GTF2IRD1: variants seen among roughly 807,000 people sequenced by gnomAD.
GTF2IRD1 encodes general transcription factor II-I repeat domain-containing protein 1.
A neutral mutation model predicts 113.2 loss-of-function variants in GTF2IRD1; 26 were observed. The observed-to-expected ratio is 0.23, with a 90% CI of 0.17 to 0.32. GTF2IRD1 has a LOEUF of 0.32. Among genes scored for constraint, GTF2IRD1 ranks in the 10% least tolerant of loss-of-function variants. The pLI is 1.00. For synonymous variants in GTF2IRD1, 484 were observed against 529.1 expected (o/e 0.91, Z 1.17); for missense variants, 864 against 1,280.8 (o/e 0.67, Z 4.97).
At chr7:74,546,296 A>G (rs1335757054) in intron 16 of GTF2IRD1, among the ~76,000 whole-genome samples, 8 of 138,972 alleles carry the variant, frequency 5.8e-5, no homozygotes, top group East Asian at 2.1e-4. Context: ...ATATCAGCTC[A>G]CTGCAACCTG....
At chr7:74,591,213 T>C (rs1173098057) in intron 24 of GTF2IRD1, among the ~76,000 whole-genome samples, 196 bp downstream of exon 24, 1 of 152,016 alleles carries the variant, frequency 6.6e-6, no homozygotes, top group Non-Finnish European at 1.5e-5. Flanking sequence ...AGATATTACA[T>C]TTGTTCTCTG....
chr7:74,534,638 G>A (rs1391688235), intron 9 of GTF2IRD1, among the ~76,000 whole-genome samples: 2 of 151,926 alleles, frequency 1.3e-5, no homozygotes, highest in Non-Finnish European at 2.9e-5. Flanking sequence ...CTGTTTTCAC[G>A]CTGAGAGACC....
intron 22 of GTF2IRD1, among the ~76,000 whole-genome samples, chr7:74,573,178 A>G (rs1355714084): frequency 1.3e-5 from 2 of 152,060 alleles, no homozygotes; most frequent in African/African-American, 4.8e-5. Context: ...AAGTTGAGGC[A>G]GGCGGATTGC....
At chr7:74,547,035 G>A (rs587733925) in intron 16 of GTF2IRD1, 68 bp from the exon 17 acceptor site, 28 of 1,425,554 alleles carry the variant, frequency 2.0e-5, no homozygotes, top group East Asian at 1.2e-4. Flanking sequence ...ACACAGGCAC[G>A]GGACACAGGG....
At chr7:74,462,321 A>G (rs142469445) in intron 1 of GTF2IRD1, among the ~76,000 whole-genome samples, 1 of 152,324 alleles carries the variant, frequency 6.6e-6, no homozygotes, top group East Asian at 1.9e-4. Flanking sequence ...TGTAACCCCT[A>G]AAAGTTTTTG....
chr7:74,473,464 G>A (rs549397555), intron 1 of GTF2IRD1, among the ~76,000 whole-genome samples: 29 of 151,278 alleles, frequency 1.9e-4, no homozygotes, highest in African/African-American at 6.6e-4. Flanking sequence ...TTCCTCTGTC[G>A]CCCAAGCTGG....
intron 15 of GTF2IRD1, 127 bp downstream of exon 15, chr7:74,544,929 G>T: frequency 2.9e-6 from 2 of 691,690 alleles, no homozygotes; most frequent in Non-Finnish European, 5.0e-6. Context: ...CAGCACCCTG[G>T]TGTGGGGGTG....
chr7:74,540,039 C>T (rs1250048631), intron 14 of GTF2IRD1, 71 bp downstream of exon 14: 1 of 1,082,652 alleles, frequency 9.2e-7, no homozygotes, highest in Non-Finnish European at 1.4e-6. Flanking sequence ...AGGGGTGGGC[C>T]AGGCCGTCCC....
intron 3 of GTF2IRD1, among the ~76,000 whole-genome samples, chr7:74,513,879 G>A (rs1361015304): frequency 6.6e-6 from 1 of 152,244 alleles, no homozygotes; most frequent in Middle Eastern, 3.4e-3. Flanking sequence ...CAGGCTTGAT[G>A]GTGTACACCT....
intron 1 of GTF2IRD1, among the ~76,000 whole-genome samples, chr7:74,501,632 A>AGTTT (rs782113982): frequency 4.6e-5 from 7 of 150,912 alleles, no homozygotes; most frequent in Non-Finnish European, 7.4e-5. Context: ...GGGGGAGGGG[A>AGTTT]GTTTGTTTGT....
chr7:74,489,252 C>A lies in GTF2IRD1; in HGVS notation c.-6-18823C>A, dbSNP rs934674021. Among the ~76,000 whole-genome samples, 3 of 152,172 alleles carry A rather than the reference C, an allele frequency of 2.0e-5. No homozygotes were observed. In the East Asian group the frequency reaches 5.8e-4, roughly 29 times the overall value. On this transcript the variant is annotated intron_variant, in intron 1 of 26. Transcript: ENST00000424337. ...AGTTCACCCTGCCATCCTCAGATAC[C>A]CTCACCTCCCGGGCTGATTCTTTTC...
chr7:74,602,317 T>C, intron 26 of GTF2IRD1, 48 bp from the exon 27 acceptor site: 3 of 1,594,508 alleles, frequency 1.9e-6, no homozygotes. Flanking sequence ...TTGGGTTTGT[T>C]CCGCATCACC....
chr7:74,566,489 C>T (rs923238371), intron 22 of GTF2IRD1, among the ~76,000 whole-genome samples: 12 of 152,318 alleles, frequency 7.9e-5, no homozygotes, highest in African/African-American at 2.4e-4. Flanking sequence ...ATTACAGGTG[C>T]CCGCCACCAT....
chr7:74,532,443 A>G (rs1798015227), intron 9 of GTF2IRD1, among the ~76,000 whole-genome samples: 1 of 152,118 alleles, frequency 6.6e-6, no homozygotes, highest in Non-Finnish European at 1.5e-5. Context: ...AGTCCTAGCT[A>G]CTGAGGAGGC....
intron 1 of GTF2IRD1, among the ~76,000 whole-genome samples, chr7:74,463,924 A>G (rs191091009): frequency 2.0e-5 from 3 of 151,974 alleles, no homozygotes; most frequent in African/African-American, 4.8e-5. Context: ...GAGTTTCACC[A>G]TGTTGTCCAG....
At chr7:74,578,411 C>G (rs1801208422) in intron 22 of GTF2IRD1, among the ~76,000 whole-genome samples, 2 of 151,996 alleles carry the variant, frequency 1.3e-5, no homozygotes, top group Non-Finnish European at 2.9e-5. Context: ...CTCCTGACCT[C>G]ACGATCCACC....
At chr7:74,592,656 T>C (rs1438190664) in intron 24 of GTF2IRD1, among the ~76,000 whole-genome samples, 1 of 151,838 alleles carries the variant, frequency 6.6e-6, no homozygotes, top group Non-Finnish European at 1.5e-5. Flanking sequence ...TGCCTCACCC[T>C]CCCGAGTAGC....
At chr7:74,454,265 GGGGGGTCCCC>G in intron 1 of GTF2IRD1, 89 bp downstream of exon 1, 1 of 150,858 alleles carries the variant, frequency 6.6e-6, no homozygotes, top group East Asian at 2.0e-4. Context: ...CCTCCGGGGG[GGGGGGTCCCC>G]GCCCCTCCCC....
At chr7:74,552,883 G>A (rs1180896483) in intron 17 of GTF2IRD1, among the ~76,000 whole-genome samples, 11 of 152,158 alleles carry the variant, frequency 7.2e-5, no homozygotes, top group Admixed American at 7.2e-4. Context: ...TATTGCCCAG[G>A]CTGGAGTGCA....
Sources: gnomAD v4.1 joint callset for allele counts (sites outside exome capture counted in the v4.1 genomes callset) on GRCh38, gnomAD v4.1.1 for gene constraint, MANE v1.5 for transcripts, NCBI Gene and HGNC (gene_info 2026-07-23, HGNC 2026-07-21) for gene names.